The following UBE2D2 variants were observed in gnomAD, a reference collection of about 807,000 sequenced individuals.
UBE2D2 encodes ubiquitin-conjugating enzyme E2 D2.
A neutral mutation model predicts 24.2 loss-of-function variants in UBE2D2; 2 were observed. The ratio of observed to expected loss-of-function variants is 0.08; its 90% CI spans 0.03 to 0.26. The LOEUF is 0.26. Ranked by LOEUF, UBE2D2 falls within the 10% of genes least tolerant of loss-of-function variation. The pLI is 1.00. For missense variants in UBE2D2, 44 were observed against 177.6 expected (o/e 0.25, Z 4.28); for synonymous variants, 58 against 56.5 (o/e 1.03, Z -0.12).
chr5:139,550,970 T>C (rs1346687300), intron 1 of UBE2D2, among the ~76,000 whole-genome samples: 1 of 152,058 alleles, frequency 6.6e-6, no homozygotes. Flanking sequence ...ACAGTATCAT[T>C]GTACTACACG....
rs1216282837 is a variant in UBE2D2, at chr5:139,603,932, A to G, written c.88+3497A>G. ...CCATTGCACTCCAGCCTGGGCAACA[A>G]GACTGAAACTCCGTCTCAAAAAAAC... On this transcript the variant is annotated intron_variant, in intron 2 of 6. Coordinates refer to ENST00000398733, the MANE Select transcript of UBE2D2 (RefSeq NM_003339.3). 4.6e-4 allele frequency among the ~76,000 whole-genome samples: 70 copies of G among 152,152 alleles called. 1 individual carries two copies. The highest frequency in any genetic ancestry group is 1.6e-4 in the Non-Finnish European group (11 of 68,016).
chr5:139,550,182 A>G (rs950103540), intron 1 of UBE2D2, among the ~76,000 whole-genome samples: 6 of 152,154 alleles, frequency 3.9e-5, no homozygotes, highest in Non-Finnish European at 2.9e-5. Context: ...CACACCAGTC[A>G]GCAGTCTGTG....
intron 1 of UBE2D2, among the ~76,000 whole-genome samples, chr5:139,528,670 G>A (rs1448194534): frequency 6.6e-6 from 1 of 152,202 alleles, no homozygotes; most frequent in Non-Finnish European, 1.5e-5. Flanking sequence ...GCTAATGAAT[G>A]CTAGACTAAC....
intron 1 of UBE2D2, among the ~76,000 whole-genome samples, chr5:139,587,033 C>A (rs564500414): frequency 6.6e-6 from 1 of 152,150 alleles, no homozygotes; most frequent in South Asian, 2.1e-4. Flanking sequence ...GCCACTTCCA[C>A]GATGTTGGCA....
At chr5:139,540,654 A>G (rs946959462) in intron 1 of UBE2D2, among the ~76,000 whole-genome samples, 2 of 152,112 alleles carry the variant, frequency 1.3e-5, no homozygotes. Context: ...ATTCTTAACC[A>G]CTATGACATA....
At chr5:139,556,524 TAAG>T (rs1405864658), upstream of UBE2D2, among the ~76,000 whole-genome samples, 1 of 151,790 alleles carries the variant, frequency 6.6e-6, no homozygotes, top group Admixed American at 6.6e-5. Flanking sequence ...GAACAACAAA[TAAG>T]GACAAAATTT....
intron 2 of UBE2D2, among the ~76,000 whole-genome samples, chr5:139,614,382 A>G: frequency 6.6e-6 from 1 of 152,076 alleles, no homozygotes; most frequent in East Asian, 1.9e-4. Context: ...AATATTTTTC[A>G]TTGAGCACCT....
At chr5:139,544,221 C>G (rs1752795997) in intron 1 of UBE2D2, among the ~76,000 whole-genome samples, 1 of 145,164 alleles carries the variant, frequency 6.9e-6, no homozygotes, top group Non-Finnish European at 1.5e-5. Flanking sequence ...CCAGGCTGGT[C>G]TGGAACTCAT....
intron 1 of UBE2D2, among the ~76,000 whole-genome samples, chr5:139,574,708 A>G (rs1753429609): frequency 6.6e-6 from 1 of 150,568 alleles, no homozygotes; most frequent in South Asian, 2.1e-4. Flanking sequence ...AACAACATTC[A>G]GTGAATGCCA....
chr5:139,597,864 A>C (rs1264044210), intron 1 of UBE2D2, among the ~76,000 whole-genome samples: 1 of 152,198 alleles, frequency 6.6e-6, no homozygotes, highest in Non-Finnish European at 1.5e-5. Context: ...TGAGTAAGTT[A>C]ATCGTTATCT....
At chr5:139,622,451 G>T (rs1754529268) in intron 5 of UBE2D2, among the ~76,000 whole-genome samples, 1 of 150,682 alleles carries the variant, frequency 6.6e-6, no homozygotes, top group South Asian at 2.1e-4. Flanking sequence ...TACCATGTTG[G>T]CCAGGATGGT....
Position 139,553,726 on chromosome 5 carries a change from T to G in UBE2D2, c.-64+27114T>G, listed in dbSNP as rs538107502. ...ATTTATAATATTGTTTCTATACATA[T>G]ATCCAATGTACATACAATAAATCTT... On this transcript the variant is annotated intron_variant, in intron 1 of 6. Transcript: ENST00000511725. Among the ~76,000 whole-genome samples, 4 of 152,318 alleles carry G rather than the reference T, an allele frequency of 2.6e-5. No individual in the cohort carries two copies. The South Asian group carries it at 8.3e-4, about 32-fold the overall frequency.
At chr5:139,562,125 C>A in intron 1 of UBE2D2, 1 of 1,128,780 alleles carries the variant, frequency 8.9e-7, no homozygotes, top group Non-Finnish European at 1.2e-6. Flanking sequence ...GGGCCATTGT[C>A]GGGCCAGGAT....
chr5:139,554,516 TG>T (rs1752956657), intron 1 of UBE2D2, among the ~76,000 whole-genome samples: 1 of 152,226 alleles, frequency 6.6e-6, no homozygotes, highest in Admixed American at 6.5e-5. Flanking sequence ...GACCTGTTGT[TG>T]GTGTTGAGCA....
chr5:139,620,070 A>G (rs377640167), intron 5 of UBE2D2, among the ~76,000 whole-genome samples: 10 of 152,144 alleles, frequency 6.6e-5, no homozygotes, highest in Admixed American at 6.5e-4. Context: ...TGAGAACTCT[A>G]TCACAAGAAC....
chr5:139,626,124 A>G (rs1398775864), intron 6 of UBE2D2, among the ~76,000 whole-genome samples: 1 of 151,774 alleles, frequency 6.6e-6, no homozygotes, highest in Non-Finnish European at 1.5e-5. Flanking sequence ...GCTATGGTAC[A>G]GTATTGCAAT....
chr5:139,606,900 G>C (rs1398152443), intron 2 of UBE2D2, among the ~76,000 whole-genome samples: 1 of 152,136 alleles, frequency 6.6e-6, no homozygotes, highest in African/African-American at 2.4e-5. Context: ...TGCCTCCCGG[G>C]TTCAAGCAGT....
intron 6 of UBE2D2, among the ~76,000 whole-genome samples, chr5:139,624,602 G>A (rs569521154): frequency 1.8e-4 from 27 of 152,328 alleles, no homozygotes; most frequent in African/African-American, 5.3e-4. Flanking sequence ...CCTGGCCAAC[G>A]GGGTGAAACC....
At position 139,592,487 on chromosome 5, in the gene UBE2D2, T is replaced by C. The variant is rs1048135021; in HGVS notation, c.25-7885T>C. On this transcript the variant is annotated intron_variant, in intron 1 of 6. Transcript: ENST00000398733. Reference sequence around the variant, plus strand: ...GACCTGGTAGTTGTGGGGTAGAGCCTGTGAATTTGCATTTCTAATAAGCTT... The same window carrying C: ...GACCTGGTAGTTGTGGGGTAGAGCCCGTGAATTTGCATTTCTAATAAGCTT... Among the ~76,000 whole-genome samples, 4 of 152,250 alleles carry C rather than the reference T, an allele frequency of 2.6e-5. No homozygotes were observed. In the South Asian group the frequency reaches 8.3e-4, roughly 32 times the overall value.
Sources: gnomAD v4.1 joint callset for allele counts (sites outside exome capture counted in the v4.1 genomes callset) on GRCh38, gnomAD v4.1.1 for gene constraint, MANE v1.5 for transcripts, NCBI Gene and HGNC (gene_info 2026-07-23, HGNC 2026-07-21) for gene names.